The following HEPACAM2 variants were observed in gnomAD, a reference collection of about 807,000 sequenced individuals.
HEPACAM2 encodes mitotic kinetics regulator.
In HEPACAM2, 49 loss-of-function variants were observed where a neutral mutation model predicts 49.6. The ratio of observed to expected loss-of-function variants is 0.99; its 90% CI spans 0.78 to 1.25. The LOEUF is 1.25. Ranked by LOEUF, HEPACAM2 falls within the 50% of genes most tolerant of loss-of-function variation. The pLI is 0.00. For missense variants in HEPACAM2, 525 were observed against 557.2 expected (o/e 0.94, Z 0.58); for synonymous variants, 197 against 202.9 (o/e 0.97, Z 0.25).
At chr7:93,202,020 A>C (rs940278076) in intron 4 of HEPACAM2, among the ~76,000 whole-genome samples, 3 of 52,954 alleles carry the variant, frequency 5.7e-5, no homozygotes, top group Admixed American at 2.6e-4. Flanking sequence ...ATAAAAAAGC[A>C]AAAAAAAAAA....
chr7:93,216,968 G>A (rs752587665), intron 2 of HEPACAM2, among the ~76,000 whole-genome samples: 65 of 152,152 alleles, frequency 4.3e-4, no homozygotes, highest in Non-Finnish European at 8.2e-4. Flanking sequence ...ATAGAAGAAA[G>A]TGAAAGATAA....
At chr7:93,201,892 T>G (rs1449602293) in intron 4 of HEPACAM2, among the ~76,000 whole-genome samples, 1 of 152,000 alleles carries the variant, frequency 6.6e-6, no homozygotes, top group Non-Finnish European at 1.5e-5. Flanking sequence ...GGTGCACTTT[T>G]GGAAGCCCAA....
chr7:93,226,231 T>C (rs1454881319), intron 1 of HEPACAM2, 137 bp downstream of exon 1: 1 of 627,006 alleles, frequency 1.6e-6, no homozygotes, highest in Non-Finnish European at 2.8e-6. Context: ...TAACAGTGTG[T>C]TATTGTTAAA....
Position 93,195,190 on chromosome 7 carries a change from A to T in HEPACAM2, c.1275+638T>A, listed in dbSNP as rs115010719. On this transcript the variant is annotated intron_variant, in intron 8 of 9. Transcript: ENST00000394468. ...TGGGTTGCAGTCACCCAAGTGATGC[A>T]GAATGACTTAAATTAGGGTCTCCTG... Among the ~76,000 whole-genome samples the T allele has an allele frequency of 9.5e-3, 1,450 of 152,224 alleles. 27 individuals carry two copies. Among genetic ancestry groups the T allele is most frequent in the African/African-American group, 0.033 (1,365 of 41,556 alleles).
intron 8 of HEPACAM2, among the ~76,000 whole-genome samples, chr7:93,194,715 A>T (rs887741474): frequency 6.6e-6 from 1 of 152,032 alleles, no homozygotes; most frequent in Admixed American, 6.6e-5. Context: ...CTAATGGCAA[A>T]TAGTCTTTTT....
rs202083844 is a variant in HEPACAM2 at position 93,208,723 on chromosome 7, G to C, written c.869C>G (p.Thr290Arg). The change falls in exon 4 of 10, where the codon ACA (threonine) becomes AGA (arginine). Residue 290 changes from threonine (T) to arginine (R), a missense_variant. Coordinates refer to ENST00000394468, the MANE Select transcript of HEPACAM2 (RefSeq NM_001039372.4). ...YSWIRRTDNT[T>R]YIIKHGPRLE... The stretch of plus-strand genomic sequence containing the variant: ...GCGAGGCCCATGCTTAATGATATAT[G>C]TAGTATTGTCAGTCCTCCTAATCCA... The C allele has an allele frequency of 6.2e-7, 1 of 1,613,210 alleles. No individual in the cohort carries two copies. The highest frequency in any genetic ancestry group is 1.7e-5 in the Admixed American group (1 of 59,888).
chr7:93,210,380 A>G (rs761385971), intron 3 of HEPACAM2, among the ~76,000 whole-genome samples: 30 of 152,002 alleles, frequency 2.0e-4, no homozygotes, highest in Admixed American at 5.9e-4. Context: ...TCATATAGCT[A>G]TTAAATAGCA....
chr7:93,225,934 A>C, intron 1 of HEPACAM2: 1 of 1,399,384 alleles, frequency 7.1e-7, no homozygotes, highest in Non-Finnish European at 9.6e-7. Flanking sequence ...CGAAGCAGTA[A>C]ACAGTTTGCA....
Position 93,219,108 on chromosome 7 carries a change from C to T in HEPACAM2, c.423G>A (p.Thr141=), listed in dbSNP as rs370507881. ...CACTCACAGGGGACTCACCATCAACCGTGACTTGTATCTTCTGACTGGCAG... is the reference window on the plus strand; with the variant it reads ...CACTCACAGGGGACTCACCATCAACTGTGACTTGTATCTTCTGACTGGCAG... ...TLSASQKIQV[T]VDDPVTKPVV... Residue 141 remains threonine, a synonymous_variant, in exon 2 of 10, where the codon ACG becomes ACA. Coordinates refer to ENST00000394468, the MANE Select transcript of HEPACAM2 (RefSeq NM_001039372.4). 67 of 1,613,164 alleles carry T rather than the reference C, an allele frequency of 4.2e-5. No homozygotes were observed. The highest frequency in any genetic ancestry group is 4.7e-5 in the Non-Finnish European group (55 of 1,179,514).
intron 3 of HEPACAM2, among the ~76,000 whole-genome samples, chr7:93,211,778 G>C (rs1794184730): frequency 6.6e-6 from 1 of 151,974 alleles, no homozygotes; most frequent in African/African-American, 2.4e-5. Context: ...GAGAGCAAGA[G>C]ACCTGAGTCT....
Position 93,197,295 on chromosome 7 carries a change from G to A in HEPACAM2, c.1164-17C>T, listed in dbSNP as rs760694318. ...GTTTCTGGCCTGAAAAGACAAAATA[G>A]GTATTTTTGTCAGGGATAATAATTG... is the stretch of plus-strand genomic sequence containing the variant. On this transcript the variant is annotated splice_polypyrimidine_tract_variant and intron_variant, in intron 6 of 9. Coordinates refer to ENST00000394468, the MANE Select transcript of HEPACAM2 (RefSeq NM_001039372.4). The A allele has an allele frequency of 1.9e-6, 3 of 1,609,620 alleles. No homozygotes were observed. The highest frequency in any genetic ancestry group is 2.5e-6 in the Non-Finnish European group (3 of 1,178,036).
At position 93,208,889 on chromosome 7, in the gene HEPACAM2, A is replaced by G. The variant is rs1346111264; in HGVS notation, c.716-13T>C. On this transcript the variant is annotated splice_polypyrimidine_tract_variant and intron_variant, in intron 3 of 9. Coordinates refer to ENST00000394468, the MANE Select transcript of HEPACAM2 (RefSeq NM_001039372.4). ...CCATAAGGTCCATCTGCATCAATAT[A>G]AAAAAAAATAGATAAGTAACACAAG... is the stretch of plus-strand genomic sequence containing the variant. The G allele has an allele frequency of 4.3e-6, 6 of 1,389,730 alleles. No homozygotes were observed. The African/African-American group carries it at 8.1e-5, about 19-fold the overall frequency. The allele number at this position is 1,389,730 out of a possible 1,614,324, so 86.1% of individuals were successfully genotyped here. A position where few individuals can be genotyped will look rare whatever the true frequency, so the allele number is the denominator to read the frequency against.
At chr7:93,202,033 A>AAAAAAAAAAAAAAAAAAAAAAAAC (rs1562824501) in intron 4 of HEPACAM2, among the ~76,000 whole-genome samples, 4 of 14,602 alleles carry the variant, frequency 2.7e-4, no homozygotes, top group Admixed American at 9.3e-4. Context: ...AAAAAAAACC[A>AAAAAAAAAAAAAAAAAAAAAAAAC]AAAAAAAAAA....
chr7:93,219,024 C>A, intron 2 of HEPACAM2, 77 bp downstream of exon 2: 1 of 1,264,372 alleles, frequency 7.9e-7, no homozygotes, highest in Non-Finnish European at 1.1e-6. Context: ...GATCTAAAGC[C>A]GAAGTAGTTT....
intron 1 of HEPACAM2, 155 bp from the exon 2 acceptor site, chr7:93,219,606 A>C (rs1794406141): frequency 8.0e-6 from 11 of 1,367,884 alleles, no homozygotes; most frequent in Non-Finnish European, 9.7e-6. Context: ...ATATAGAGGT[A>C]AATATTTGTC....
chr7:93,219,542 A>G, intron 1 of HEPACAM2, 91 bp from the exon 2 acceptor site: 1 of 1,568,766 alleles, frequency 6.4e-7, no homozygotes, highest in Non-Finnish European at 8.6e-7. Context: ...TCAGGTGATA[A>G]TCCTTTTCAA....
chr7:93,228,618 C>T (rs904768307), upstream of HEPACAM2, among the ~76,000 whole-genome samples: 2 of 152,202 alleles, frequency 1.3e-5, no homozygotes, highest in African/African-American at 4.8e-5. Context: ...TCTCACATCA[C>T]ACCTGTAACC....
intron 8 of HEPACAM2, 23 bp downstream of exon 8, chr7:93,195,805 A>C (rs772961702): frequency 1.1e-5 from 18 of 1,578,090 alleles, no homozygotes; most frequent in African/African-American, 4.0e-5. Flanking sequence ...CTTCTCGGTT[A>C]ATCAGCCACT....
chr7:93,208,664 T>A lies in HEPACAM2; in HGVS notation c.928A>T (p.Thr310Ser), dbSNP rs1427373963. 2 of 1,613,128 alleles carry A rather than the reference T, an allele frequency of 1.2e-6. No homozygotes were observed. The highest frequency in any genetic ancestry group is 1.7e-6 in the Non-Finnish European group (2 of 1,179,440). ...EVASEKVAQK[T>S]MDYVCCAYNN... ...TAAGCACAGCACACATAGTCCATTGTCTTCTGGGCTACTTTCTCAGATGCA... is the reference window on the plus strand; with the variant it reads ...TAAGCACAGCACACATAGTCCATTGACTTCTGGGCTACTTTCTCAGATGCA... The change falls in exon 4 of 10, where the codon ACA becomes TCA. Residue 310 changes from threonine (T) to serine (S), a missense_variant. Thr to Ser is a moderately conservative substitution (Grantham distance 58, BLOSUM62 1). Coordinates refer to ENST00000394468, the MANE Select transcript of HEPACAM2 (RefSeq NM_001039372.4).
Sources: gnomAD v4.1 joint callset for allele counts (sites outside exome capture counted in the v4.1 genomes callset) on GRCh38, gnomAD v4.1.1 for gene constraint, MANE v1.5 for transcripts, NCBI Gene and HGNC (gene_info 2026-07-23, HGNC 2026-07-21) for gene names.